RABGEF1: variants seen among roughly 807,000 people sequenced by gnomAD.
The protein encoded by RABGEF1 is RAB guanine nucleotide exchange factor 1.
RABGEF1 carries 26 observed loss-of-function variants against 57.3 expected under a neutral mutation model. The observed-to-expected ratio is 0.45, with a 90% confidence interval of 0.33 to 0.63. The LOEUF is 0.63. Among genes scored for constraint, RABGEF1 ranks in the 20% least tolerant of loss-of-function variants. The pLI is 0.02. For missense variants in RABGEF1, 464 were observed against 607.6 expected (o/e 0.76, Z 2.48); for synonymous variants, 185 against 210.7 (o/e 0.88, Z 1.06).
chr7:66,810,861 T>G lies in RABGEF1; in HGVS notation c.*1577T>G, dbSNP rs1789355526. On this transcript the variant is annotated 3_prime_UTR_variant, in exon 9 of 9. Transcript: ENST00000284957. ...AATAAAACCAGGGTGGGTATAAAAC[T>G]TCTTATTCTTAAATTTACATATAAG... is the stretch of plus-strand genomic sequence containing the variant. 6.6e-6 allele frequency: 1 copy of G among 152,212 alleles called. No homozygotes were observed. The highest frequency in any genetic ancestry group is 6.5e-5 in the Admixed American group (1 of 15,286). The allele number at this position is 152,212 out of a possible 1,614,324, so 9.4% of individuals were successfully genotyped here.
chr7:66,759,075 C>A (rs116863549), intron 1 of RABGEF1, among the ~76,000 whole-genome samples: 138 of 152,236 alleles, frequency 9.1e-4, no homozygotes, highest in South Asian at 2.5e-3. Flanking sequence ...CATTTCATCT[C>A]ATACGTAGAT....
At chr7:66,745,906 G>A (rs1280071250) in intron 1 of RABGEF1, among the ~76,000 whole-genome samples, 1 of 152,160 alleles carries the variant, frequency 6.6e-6, no homozygotes, top group Non-Finnish European at 1.5e-5. Flanking sequence ...GCTGCAGTGA[G>A]CTGTGATCAA....
At chr7:66,785,803 GGCGGAGCTTGCAGTGA>G (rs1333823347) in intron 4 of RABGEF1, among the ~76,000 whole-genome samples, 1 of 152,110 alleles carries the variant, frequency 6.6e-6, no homozygotes, top group Non-Finnish European at 1.5e-5. Context: ...GAACCTGGGA[GGCGGAGCTTGCAGTGA>G]GCGGAGATTG....
At chr7:66,754,478 T>C (rs1167129730) in intron 1 of RABGEF1, among the ~76,000 whole-genome samples, 1 of 152,100 alleles carries the variant, frequency 6.6e-6, no homozygotes. Context: ...GCATGGGGGC[T>C]TATACCCGTA....
At chr7:66,773,635 C>G in intron 2 of RABGEF1, 1 of 453,038 alleles carries the variant, frequency 2.2e-6, no homozygotes, top group Non-Finnish European at 4.4e-6. Context: ...CTTGGAAAAT[C>G]ATTGTCTTTT....
upstream of RABGEF1, among the ~76,000 whole-genome samples, chr7:66,737,073 T>TGAGAGAGAGA (rs1279802653): frequency 1.7e-5 from 2 of 117,092 alleles, no homozygotes; most frequent in East Asian, 2.5e-4. Context: ...AGAGAGAGAG[T>TGAGAGAGAGA]GAGAGAGAGA....
the RABGEF1 span, among the ~76,000 whole-genome samples, chr7:66,674,047 T>TG: frequency 6.6e-6 from 1 of 152,238 alleles, no homozygotes; most frequent in Non-Finnish European, 1.5e-5. Flanking sequence ...GTGGCAAGGA[T>TG]GGGGAACACC....
intron 1 of RABGEF1, among the ~76,000 whole-genome samples, chr7:66,688,384 G>C (rs997384175): frequency 1.3e-5 from 2 of 152,148 alleles, no homozygotes; most frequent in Non-Finnish European, 1.5e-5. Context: ...AGGAAAGAGA[G>C]CACTTGAACA....
chr7:66,753,191 T>C (rs1259630811), intron 1 of RABGEF1, among the ~76,000 whole-genome samples: 5 of 152,136 alleles, frequency 3.3e-5, no homozygotes, highest in Non-Finnish European at 7.4e-5. Context: ...GTATTCTAAG[T>C]GGGTTCATAA....
chr7:66,684,217 G>A (rs1346819207), intron 1 of RABGEF1, among the ~76,000 whole-genome samples: 2 of 152,064 alleles, frequency 1.3e-5, no homozygotes, highest in South Asian at 2.1e-4. Context: ...AGGCCGAGGC[G>A]GTTGGATCAC....
intron 1 of RABGEF1, among the ~76,000 whole-genome samples, chr7:66,743,947 T>C (rs1196453928): frequency 6.6e-6 from 1 of 152,180 alleles, no homozygotes; most frequent in Non-Finnish European, 1.5e-5. Flanking sequence ...TGGAATTTTA[T>C]GTAACTCTTA....
intron 1 of RABGEF1, among the ~76,000 whole-genome samples, chr7:66,690,852 G>T (rs1791414158): frequency 1.3e-5 from 2 of 152,076 alleles, no homozygotes; most frequent in African/African-American, 4.8e-5. Context: ...GGGAGGCTGA[G>T]GAAGGTGGGT....
At chr7:66,655,696 A>T in the RABGEF1 span, among the ~76,000 whole-genome samples, 1 of 152,176 alleles carries the variant, frequency 6.6e-6, no homozygotes, top group Admixed American at 6.5e-5. Context: ...TCCGTTCCTT[A>T]AAATTGTTGT....
the RABGEF1 span, among the ~76,000 whole-genome samples, chr7:66,660,355 AAAAAAAGAAAG>A: frequency 6.6e-6 from 1 of 151,506 alleles, no homozygotes; most frequent in Non-Finnish European, 1.5e-5. Flanking sequence ...CTCAAAAAAA[AAAAAAAGAAAG>A]AAAAAAGAAA....
rs186495604 is a variant in RABGEF1 at position 66,774,877 on chromosome 7, G to A, written c.180-350G>A. Among the ~76,000 whole-genome samples, 345 of 152,314 alleles carry A rather than the reference G, an allele frequency of 2.3e-3. 2 individuals are homozygous for A. The highest frequency in any genetic ancestry group is 0.021 in the Admixed American group (314 of 15,296). ...AGTTGTTCTTTCCTGTGTTCTCACA[G>A]CACTCAACTTTTACTCTCTGATGTA... On this transcript the variant is annotated intron_variant, in intron 2 of 8. Transcript: ENST00000284957.
At chr7:66,748,823 C>T (rs540604770) in intron 1 of RABGEF1, 9 of 185,482 alleles carry the variant, frequency 4.9e-5, no homozygotes, top group South Asian at 1.3e-4. Context: ...TTCTCCAATT[C>T]GAACTTTCTG....
At chr7:66,800,390 C>T (rs1787011309) in intron 7 of RABGEF1, among the ~76,000 whole-genome samples, 1 of 152,208 alleles carries the variant, frequency 6.6e-6, no homozygotes, top group African/African-American at 2.4e-5. Context: ...TGATGTGATT[C>T]TTCCACTTTC....
chr7:66,717,475 G>A (rs1795540400), intron 2 of RABGEF1, among the ~76,000 whole-genome samples: 1 of 151,992 alleles, frequency 6.6e-6, no homozygotes, highest in Admixed American at 6.6e-5. Flanking sequence ...ATGTATTTTA[G>A]GCCAGGGCGT....
At chr7:66,705,443 A>AGAG (rs1554307044) in intron 1 of RABGEF1, among the ~76,000 whole-genome samples, 9 of 66,368 alleles carry the variant, frequency 1.4e-4, no homozygotes, top group African/African-American at 5.3e-4. Context: ...TCTCGAAAGA[A>AGAG]AGAGAGAGAG....
Sources: gnomAD v4.1 joint callset for allele counts (sites outside exome capture counted in the v4.1 genomes callset) on GRCh38, gnomAD v4.1.1 for gene constraint, MANE v1.5 for transcripts, NCBI Gene and HGNC (gene_info 2026-07-23, HGNC 2026-07-21) for gene names.